Variants in GIT2 observed in about 807,000 individuals in gnomAD.
GIT2 encodes ARF GTPase-activating protein GIT2.
A neutral mutation model predicts 100.3 loss-of-function variants in GIT2; 32 were observed. The observed-to-expected ratio is 0.32, with a 90% CI of 0.24 to 0.43. The LOEUF (loss-of-function observed/expected upper bound fraction) is 0.43, where lower values mean the gene tolerates loss of function less well. GIT2 is among the 20% of genes least tolerant of loss of function. The pLI is 1.00. For synonymous variants in GIT2, 353 were observed against 364.1 expected (o/e 0.97, Z 0.35); for missense variants, 737 against 975.1 (o/e 0.76, Z 3.25).
chr12:109,969,377 G>T (rs1258491904), intron 7 of GIT2, among the ~76,000 whole-genome samples: 3 of 151,914 alleles, frequency 2.0e-5, no homozygotes, highest in African/African-American at 7.3e-5. Flanking sequence ...ATGTTAGTCA[G>T]GTTGGTCTTG....
At chr12:109,978,623 C>T (rs1309719450) in intron 7 of GIT2, among the ~76,000 whole-genome samples, 1 of 152,076 alleles carries the variant, frequency 6.6e-6, no homozygotes, top group Non-Finnish European at 1.5e-5. Context: ...CATCTCTATT[C>T]TTCTATTAAG....
intron 4 of GIT2, among the ~76,000 whole-genome samples, chr12:109,984,503 G>C (rs1886963244): frequency 6.6e-6 from 1 of 152,148 alleles, no homozygotes; most frequent in South Asian, 2.1e-4. Context: ...CTGGAGTGCA[G>C]TGGAGTGATC....
rs768628509 is a variant in GIT2, at chr12:109,951,239, A to T, written c.1320T>A (p.Ser440=). 6.2e-7 allele frequency: 1 copy of T among 1,612,164 alleles called. No homozygotes were observed. The highest frequency in any genetic ancestry group is 2.2e-5 in the East Asian group (1 of 44,892). Residue 440 remains serine, a synonymous_variant, in exon 14 of 20, where the codon TCT becomes TCA. Coordinates refer to ENST00000355312, the MANE Select transcript of GIT2 (RefSeq NM_057169.5). The stretch of plus-strand genomic sequence containing the variant: ...TCATTAGCTGCTGTATCTTGGCCTC[A>T]GAAGCCACTAGAGCGTTTTTGACCT... ...FMEVKNALVA[S]EAKIQQLMKV... is the part of the protein sequence containing the mutation.
intron 4 of GIT2, 103 bp downstream of exon 4, chr12:109,988,848 CAAAAAAAAAAAA>C (rs59956597): frequency 2.9e-5 from 6 of 204,962 alleles, no homozygotes; most frequent in Non-Finnish European, 2.6e-5. Flanking sequence ...GACTCTGTCT[CAAAAAAAAAAAA>C]AAAAAAAAAA....
chr12:109,939,364 G>A (rs1436376092), intron 16 of GIT2, 117 bp from the exon 17 acceptor site: 1 of 678,512 alleles, frequency 1.5e-6, no homozygotes, highest in Non-Finnish European at 2.7e-6. Context: ...TCTCATTTGG[G>A]ACAGGGGACA....
At chr12:109,966,526 A>AAG (rs1882478384) in intron 8 of GIT2, among the ~76,000 whole-genome samples, 1 of 150,414 alleles carries the variant, frequency 6.6e-6, no homozygotes, top group Non-Finnish European at 1.5e-5. Flanking sequence ...AAAAAAAAAA[A>AAG]AAAGAAAGAA....
chr12:109,953,238 T>C lies in GIT2; in HGVS notation c.1100-4A>G. On this transcript the variant is annotated splice_polypyrimidine_tract_variant and splice_region_variant and intron_variant, in intron 12 of 19. Coordinates refer to ENST00000355312, the MANE Select transcript of GIT2 (RefSeq NM_057169.5). The stretch of plus-strand genomic sequence containing the variant: ...TTCAGTATGAGCTCCACATTGTCTA[T>C]CAATAAAAGCAAACAACTTTACTTC... The C allele has an allele frequency of 1.9e-6, 3 of 1,613,084 alleles. No individual in the cohort carries two copies. The highest frequency in any genetic ancestry group is 2.5e-6 in the Non-Finnish European group (3 of 1,179,374).
At chr12:109,943,560 C>G (rs562694190) in intron 16 of GIT2, among the ~76,000 whole-genome samples, 1 of 152,308 alleles carries the variant, frequency 6.6e-6, no homozygotes, top group East Asian at 1.9e-4. Flanking sequence ...TCTCAAATTC[C>G]TGGGCTCAAG....
At chr12:109,945,222 C>T (rs1039896917) in intron 16 of GIT2, 38 bp downstream of exon 16, 1 of 1,011,290 alleles carries the variant, frequency 9.9e-7, no homozygotes, top group African/African-American at 1.6e-5. Flanking sequence ...GAGCACGGCC[C>T]CTCCTCCAGA....
rs1403045117 is a variant in GIT2 at position 109,966,767 on chromosome 12, C to G, written c.764+691G>C. 2.0e-5 allele frequency among the ~76,000 whole-genome samples: 3 copies of G among 152,066 alleles called. No homozygotes were observed. In the East Asian group the frequency reaches 5.8e-4, roughly 29 times the overall value. On this transcript the variant is annotated intron_variant, in intron 8 of 19. Coordinates refer to ENST00000355312, the MANE Select transcript of GIT2 (RefSeq NM_057169.5). Reference sequence around the variant, plus strand: ...TCATAAACTCTTGACAGTTTCCGTGCAAAGGTAACTTGCAAAACAAGGGTT... The same window carrying G: ...TCATAAACTCTTGACAGTTTCCGTGGAAAGGTAACTTGCAAAACAAGGGTT...
Position 109,931,730 on chromosome 12 carries a change from G to A in GIT2, c.*1248C>T, listed in dbSNP as rs1871658706. 1 of 152,290 alleles carries A rather than the reference G, an allele frequency of 6.6e-6. No homozygotes were observed. The highest frequency in any genetic ancestry group is 1.5e-5 in the Non-Finnish European group (1 of 68,086). The allele number at this position is 152,290 out of a possible 1,614,324, so 9.4% of individuals were successfully genotyped here. A position where few individuals can be genotyped will look rare whatever the true frequency, so the allele number is the denominator to read the frequency against. ...CACACAGAATGGCTGCAGTAAGCAG[G>A]AACGGGAAGAGCTTTCACATTCAGA... On this transcript the variant is annotated 3_prime_UTR_variant, in exon 20 of 20. Transcript: ENST00000355312.
At chr12:109,935,921 T>C (rs1872835919) in intron 18 of GIT2, among the ~76,000 whole-genome samples, 1 of 152,142 alleles carries the variant, frequency 6.6e-6, no homozygotes, top group Admixed American at 6.5e-5. Flanking sequence ...CAACTTCACA[T>C]TGGTATCTTT....
chr12:109,973,313 G>T (rs924588586), intron 7 of GIT2, among the ~76,000 whole-genome samples: 2 of 151,806 alleles, frequency 1.3e-5, no homozygotes, highest in Non-Finnish European at 2.9e-5. Context: ...GCTAATTTTT[G>T]TATTTTTAGT....
intron 1 of GIT2, among the ~76,000 whole-genome samples, chr12:109,992,957 C>T (rs1408879888): frequency 6.6e-6 from 1 of 151,974 alleles, no homozygotes; most frequent in Admixed American, 6.6e-5. Context: ...CAGGCTTGAG[C>T]CACTGTGCCC....
In GIT2 at chr12:109,931,529, C is replaced by G. The variant is rs1242777996; in HGVS notation, c.*1449G>C. The stretch of plus-strand genomic sequence containing the variant: ...CTAGGTTTCTTGTCTCTTGAAAAAT[C>G]AAAGCTGTGGCCACCCTAGGCCCAC... On this transcript the variant is annotated 3_prime_UTR_variant, in exon 20 of 20. Transcript: ENST00000355312. 1 of 152,250 alleles carries G rather than the reference C, an allele frequency of 6.6e-6. No individual in the cohort carries two copies. Among genetic ancestry groups the G allele is most frequent in the Non-Finnish European group, 1.5e-5 (1 of 68,046 alleles). The allele number at this position is 152,250 out of a possible 1,614,324, so 9.4% of individuals were successfully genotyped here. A position where few individuals can be genotyped will look rare whatever the true frequency, so the allele number is the denominator to read the frequency against.
chr12:109,999,129 G>C (rs1889800137), upstream of GIT2: 1 of 152,310 alleles, frequency 6.6e-6, no homozygotes, highest in African/African-American at 2.4e-5. The surrounding 1 kb of genome is among the most constrained non-coding windows in gnomAD (Gnocchi z 4.3). Context: ...CCGGGGCTCA[G>C]TTGTCACCCC....
At position 109,983,476 on chromosome 12, in the gene GIT2, C is replaced by G. The variant is rs762792532; in HGVS notation, c.520G>C (p.Ala174Pro). The G allele has an allele frequency of 6.2e-7, 1 of 1,613,702 alleles. No individual in the cohort carries two copies. Among genetic ancestry groups the G allele is most frequent in the South Asian group, 1.1e-5 (1 of 91,066 alleles). The part of the protein sequence containing the change: ...PEKGNTPLHV[A>P]SKAGQILQAE... ...TGTAAAATCTGCCCTGCTTTGGAGGCAACATGGAGTGGGGTGTTTCCTTTT... is the reference window on the plus strand; with the variant it reads ...TGTAAAATCTGCCCTGCTTTGGAGGGAACATGGAGTGGGGTGTTTCCTTTT... The change falls in exon 6 of 20, where the codon GCC (alanine) becomes CCC (proline). Residue 174 changes from alanine to proline, a missense_variant. Ala to Pro is a conservative substitution (Grantham distance 27). Around this residue, in one of 3 missense-constraint regions of GIT2, gnomAD observed 266 missense variants for 376.2 expected, o/e 0.71. Transcript: ENST00000355312.
In GIT2 at chr12:109,947,868, G is replaced by T. The variant is rs1168811283; in HGVS notation, c.1393-364C>A. The T allele has an allele frequency of 5.4e-6, 1 of 186,870 alleles. No individual in the cohort carries two copies. Among genetic ancestry groups the T allele is most frequent in the Non-Finnish European group, 1.1e-5 (1 of 89,758 alleles). 11.6% of individuals were successfully genotyped at this position (186,870 alleles called of 1,614,324 possible). On this transcript the variant is annotated intron_variant, in intron 14 of 19. Transcript: ENST00000355312. This position sits in a 1 kb window ranked among gnomAD's most constrained non-coding sequence, Gnocchi z 4.3. ...AAGGCTGTTTCAAGCAAGAGTTCGAGATCATTAAAACATCATTTAGGTAAC... is the reference window on the plus strand; with the variant it reads ...AAGGCTGTTTCAAGCAAGAGTTCGATATCATTAAAACATCATTTAGGTAAC...
At chr12:109,975,862 C>T (rs1884913288) in intron 7 of GIT2, among the ~76,000 whole-genome samples, 2 of 151,036 alleles carry the variant, frequency 1.3e-5, no homozygotes, top group African/African-American at 4.9e-5. Context: ...ACCTCTGCCT[C>T]CCGGGTTCAA....
Sources: gnomAD v4.1 joint callset for allele counts (sites outside exome capture counted in the v4.1 genomes callset) on GRCh38, gnomAD v4.1.1 for gene constraint, gnomAD v4.1.1 regional missense constraint, Gnocchi (gnomAD v3.1) non-coding constraint, MANE v1.5 for transcripts, NCBI Gene and HGNC (gene_info 2026-07-23, HGNC 2026-07-21) for gene names.